HMGXB4: variants seen among roughly 807,000 people sequenced by gnomAD.
HMGXB4 encodes the protein HMG domain-containing protein 4.
Under a neutral mutation model 63.9 loss-of-function variants are expected in HMGXB4, and 27 were observed. The ratio of observed to expected loss-of-function variants is 0.42; its 90% CI spans 0.31 to 0.58. HMGXB4 has a LOEUF of 0.58. Among genes scored for constraint, HMGXB4 ranks in the 20% least tolerant of loss-of-function variants. The probability of loss-of-function intolerance (pLI) is 0.13; values close to 1 mark genes in which losing one functional copy is unlikely to be tolerated. For synonymous variants in HMGXB4, 264 were observed against 265.3 expected, an observed-to-expected ratio of 0.99 and a Z score of 0.05; for missense variants, 624 against 700.7, an observed-to-expected ratio of 0.89 and a Z score of 1.24.
At chr22:35,277,938 G>T (rs1362282511) in intron 5 of HMGXB4, among the ~76,000 whole-genome samples, 2 of 152,166 alleles carry the variant, frequency 1.3e-5, no homozygotes, top group African/African-American at 4.8e-5. Flanking sequence ...TTGGACAAAT[G>T]TATCATGACA....
intron 6 of HMGXB4, among the ~76,000 whole-genome samples, chr22:35,284,456 A>G: frequency 6.6e-6 from 1 of 152,226 alleles, no homozygotes; most frequent in Non-Finnish European, 1.5e-5. Flanking sequence ...AATTGAAAAT[A>G]CTGTAAGTCA....
At chr22:35,256,323 CAT>C (rs1243589717), upstream of HMGXB4, among the ~76,000 whole-genome samples, 1 of 152,156 alleles carries the variant, frequency 6.6e-6, no homozygotes, top group African/African-American at 2.4e-5. Context: ...ACACTGCACA[CAT>C]GATTTTACGT....
upstream of HMGXB4, among the ~76,000 whole-genome samples, chr22:35,252,908 C>A (rs950434005): frequency 6.6e-6 from 1 of 151,862 alleles, no homozygotes; most frequent in Non-Finnish European, 1.5e-5. Context: ...CTGAGGCAGG[C>A]GGATCACCTG....
intron 7 of HMGXB4, 75 bp from the exon 8 acceptor site, chr22:35,287,272 G>A: frequency 6.9e-6 from 8 of 1,167,838 alleles, no homozygotes; most frequent in South Asian, 1.3e-5. Flanking sequence ...TCTCCATTTT[G>A]TTCTTTCATG....
chr22:35,263,029 C>T (rs765342743), intron 2 of HMGXB4, 49 bp from the exon 3 acceptor site: 3 of 1,571,804 alleles, frequency 1.9e-6, no homozygotes, highest in South Asian at 1.1e-5. Flanking sequence ...TTGGTCATTA[C>T]TTACTTGACT....
Position 35,264,797 on chromosome 22 carries a change from T to C in HMGXB4, c.409T>C (p.Ser137Pro), listed in dbSNP as rs1923086341. ...AAAGACTGGGGAGAAATCCTCTGGCTCTTCAAGCCATTCGGAGAGTAAAAA... is the reference window on the plus strand; with the variant it reads ...AAAGACTGGGGAGAAATCCTCTGGCCCTTCAAGCCATTCGGAGAGTAAAAA... Reference protein sequence around the residue: ...SKKTGEKSSGSSSHSESKKEH... With the variant: ...SKKTGEKSSGPSSHSESKKEH... Residue 137 changes from serine to proline, a missense_variant, in exon 5 of 11, where the codon TCT (serine) becomes CCT (proline). By Grantham distance (74) the Ser-to-Pro change is moderately conservative. Coordinates refer to ENST00000216106, the MANE Select transcript of HMGXB4 (RefSeq NM_001003681.3). The C allele has an allele frequency of 6.2e-7, 1 of 1,614,030 alleles. No individual in the cohort carries two copies. The highest frequency in any genetic ancestry group is 1.3e-5 in the African/African-American group (1 of 74,896).
intron 5 of HMGXB4, among the ~76,000 whole-genome samples, chr22:35,283,402 A>C (rs1021741933): frequency 3.9e-5 from 6 of 152,220 alleles, no homozygotes; most frequent in African/African-American, 7.2e-5. Context: ...TATAGGGAGA[A>C]GGAAGGTCTT....
upstream of HMGXB4, among the ~76,000 whole-genome samples, chr22:35,253,311 AT>A (rs1363051498): frequency 2.0e-5 from 3 of 152,156 alleles, no homozygotes; most frequent in East Asian, 5.8e-4. Flanking sequence ...ATTGGGGCAC[AT>A]TTTTCTTTTA....
At chr22:35,275,837 C>T (rs1923883493) in intron 5 of HMGXB4, among the ~76,000 whole-genome samples, 1 of 152,158 alleles carries the variant, frequency 6.6e-6, no homozygotes, top group African/African-American at 2.4e-5. Context: ...CATCATGAGT[C>T]ACATGTAGTT....
At chr22:35,293,571 G>A (rs757855074) in intron 10 of HMGXB4, 36 bp from the exon 11 acceptor site, 9 of 1,475,174 alleles carry the variant, frequency 6.1e-6, no homozygotes, top group South Asian at 2.3e-5. Context: ...CCAAGGTACA[G>A]TACTCTTCAG....
At chr22:35,259,011 A>C (rs1159779549) in intron 1 of HMGXB4, among the ~76,000 whole-genome samples, 1 of 152,230 alleles carries the variant, frequency 6.6e-6, no homozygotes, top group Non-Finnish European at 1.5e-5. Context: ...CTGTAATTTG[A>C]AGTTTCAAAA....
At chr22:35,273,135 C>T (rs1013163460) in intron 5 of HMGXB4, among the ~76,000 whole-genome samples, 9 of 152,180 alleles carry the variant, frequency 5.9e-5, no homozygotes, top group African/African-American at 2.2e-4. Flanking sequence ...CATTAGTTCT[C>T]TCTCTGGCAA....
intron 5 of HMGXB4, among the ~76,000 whole-genome samples, chr22:35,281,669 A>C (rs1650145062): frequency 1.3e-5 from 2 of 152,248 alleles, no homozygotes; most frequent in Non-Finnish European, 2.9e-5. Context: ...TCAGTATTTA[A>C]TAGTGAGATT....
At chr22:35,272,899 C>T (rs1435912235) in intron 5 of HMGXB4, among the ~76,000 whole-genome samples, 2 of 152,164 alleles carry the variant, frequency 1.3e-5, no homozygotes, top group Non-Finnish European at 2.9e-5. Context: ...ACGCCACTGC[C>T]CTCCAGCCTG....
chr22:35,246,459 G>T, the HMGXB4 span, among the ~76,000 whole-genome samples: 2 of 152,114 alleles, frequency 1.3e-5, no homozygotes, highest in Non-Finnish European at 2.9e-5. Context: ...TTTTTTAGTA[G>T]AGGCGGGGTT....
the HMGXB4 span, chr22:35,249,847 A>G: frequency 4.0e-5 from 4 of 98,858 alleles, 1 homozygote; most frequent in Admixed American, 4.4e-4. Context: ...AAGAAAAAGA[A>G]AAGAAAAAAA....
the HMGXB4 span, among the ~76,000 whole-genome samples, chr22:35,243,047 A>C: frequency 4.6e-5 from 7 of 152,170 alleles, no homozygotes; most frequent in African/African-American, 1.7e-4. Flanking sequence ...AATGTAGTCC[A>C]TCTTGGCATA....
chr22:35,268,866 T>G (rs749036978), intron 5 of HMGXB4, among the ~76,000 whole-genome samples: 2 of 152,218 alleles, frequency 1.3e-5, no homozygotes, highest in Non-Finnish European at 2.9e-5. Flanking sequence ...ACAGTGACCT[T>G]CCTCTTCTTA....
chr22:35,281,414 C>T lies in HMGXB4; in HGVS notation c.1216-2548C>T, dbSNP rs557321954. Among the ~76,000 whole-genome samples the T allele has an allele frequency of 6.6e-5, 10 of 152,228 alleles. No homozygotes were observed. The South Asian group carries it at 1.7e-3, about 25-fold the overall frequency. ...AACGCTAATCTAGTTTCTACATAAT[C>T]GAATAAAGTCCTTTATAAGAGTTAT... On this transcript the variant is annotated intron_variant, in intron 5 of 10. Transcript: ENST00000216106.
Sources: gnomAD v4.1 joint callset for allele counts (sites outside exome capture counted in the v4.1 genomes callset) on GRCh38, gnomAD v4.1.1 for gene constraint, MANE v1.5 for transcripts, NCBI Gene and HGNC (gene_info 2026-07-23, HGNC 2026-07-21) for gene names.